Variants in LRP1B observed in about 807,000 individuals in gnomAD.
The protein encoded by LRP1B is low-density lipoprotein receptor-related protein 1B.
Under a neutral mutation model 556.6 loss-of-function variants are expected in LRP1B, and 217 were observed. That is an observed-to-expected ratio of 0.39 (90% CI 0.35 to 0.44). LRP1B has a LOEUF of 0.44. Among genes scored for constraint, LRP1B ranks in the 20% least tolerant of loss-of-function variants. The pLI, the probability that LRP1B is intolerant of heterozygous loss-of-function variation, is 1.00. For missense variants in LRP1B, 5,053 were observed against 5,620.8 expected, an observed-to-expected ratio of 0.90 and a Z score of 3.23; for synonymous variants, 2,047 against 1,865.8, an observed-to-expected ratio of 1.10 and a Z score of -2.50.
chr2:141,568,546 C>A (rs909256912), intron 2 of LRP1B, among the ~76,000 whole-genome samples: 2 of 150,994 alleles, frequency 1.3e-5, no homozygotes, highest in Admixed American at 1.3e-4. Flanking sequence ...GTTAAGGAAA[C>A]AAGGATTCAA....
At chr2:141,006,692 G>T (rs560516068) in intron 14 of LRP1B, among the ~76,000 whole-genome samples, 3 of 151,856 alleles carry the variant, frequency 2.0e-5, no homozygotes, top group Admixed American at 6.6e-5. Flanking sequence ...ACATGTTTAA[G>T]TGACCACTTT....
intron 2 of LRP1B, among the ~76,000 whole-genome samples, chr2:141,625,726 T>A (rs1688681431): frequency 6.6e-6 from 1 of 152,168 alleles, no homozygotes; most frequent in Non-Finnish European, 1.5e-5. Flanking sequence ...TTTATAGACA[T>A]CAGTGTTACC....
intron 41 of LRP1B, among the ~76,000 whole-genome samples, chr2:140,623,956 G>GTGTATATATATA (rs1339496296): frequency 2.8e-5 from 3 of 106,432 alleles, no homozygotes; most frequent in Non-Finnish European, 3.8e-5. Context: ...TTTTATTTAT[G>GTGTATATATATA]TATATATATA....
chr2:140,477,656 A>T (rs574722102), intron 59 of LRP1B, among the ~76,000 whole-genome samples: 5 of 152,290 alleles, frequency 3.3e-5, no homozygotes, highest in African/African-American at 1.2e-4. Context: ...ATATAATTGC[A>T]ATTTTAAATT....
intron 29 of LRP1B, among the ~76,000 whole-genome samples, chr2:140,844,532 TG>T: frequency 6.6e-6 from 1 of 151,118 alleles, no homozygotes; most frequent in South Asian, 2.1e-4. Flanking sequence ...CATATGGGGG[TG>T]GGGGTGGAAT....
chr2:142,123,411 G>T (rs1027285324), intron 1 of LRP1B, among the ~76,000 whole-genome samples: 1 of 151,960 alleles, frequency 6.6e-6, no homozygotes, highest in Non-Finnish European at 1.5e-5. Flanking sequence ...CCTATTGATT[G>T]CAAGAATAAA....
chr2:141,487,261 A>G (rs572023300), intron 2 of LRP1B, among the ~76,000 whole-genome samples: 2 of 152,254 alleles, frequency 1.3e-5, no homozygotes, highest in African/African-American at 4.8e-5. Context: ...TTTTTCTTCA[A>G]AATAAGACTA....
At chr2:140,412,704 A>G (rs1187059997) in intron 66 of LRP1B, among the ~76,000 whole-genome samples, 1 of 151,954 alleles carries the variant, frequency 6.6e-6, no homozygotes, top group Non-Finnish European at 1.5e-5. Flanking sequence ...AATAAAACTG[A>G]GGCTTATGGA....
intron 32 of LRP1B, among the ~76,000 whole-genome samples, chr2:140,807,862 T>A (rs1272002924): frequency 6.6e-6 from 1 of 151,608 alleles, no homozygotes; most frequent in Non-Finnish European, 1.5e-5. Flanking sequence ...GAGGCCAAGG[T>A]GGGTGGATCA....
chr2:141,092,777 C>A (rs540116995), intron 7 of LRP1B, among the ~76,000 whole-genome samples: 50 of 152,098 alleles, frequency 3.3e-4, no homozygotes, highest in Non-Finnish European at 5.7e-4. Context: ...TCAACTGTGA[C>A]AAATGTTCAT....
intron 11 of LRP1B, among the ~76,000 whole-genome samples, chr2:141,032,826 C>CATACATACATACATACATACATATATAT: frequency 7.9e-6 from 1 of 126,612 alleles, no homozygotes; most frequent in Non-Finnish European, 1.7e-5. Flanking sequence ...TATATACATA[C>CATACATACATACATACATACATATATAT]ATATATATAT....
intron 37 of LRP1B, among the ~76,000 whole-genome samples, chr2:140,710,950 T>C (rs745582232): frequency 2.5e-4 from 38 of 152,134 alleles, no homozygotes; most frequent in South Asian, 8.3e-4. Flanking sequence ...TAATGTGTTA[T>C]CTAATGAGAG....
chr2:140,294,767 C>G (rs1022784102), intron 84 of LRP1B, among the ~76,000 whole-genome samples: 1 of 151,974 alleles, frequency 6.6e-6, no homozygotes, highest in African/African-American at 2.4e-5. Flanking sequence ...AATAAACACA[C>G]GTGAGTTAGT....
intron 42 of LRP1B, 59 bp downstream of exon 42, chr2:140,601,391 C>T: frequency 3.2e-6 from 4 of 1,238,494 alleles, no homozygotes; most frequent in Non-Finnish European, 3.2e-6. Flanking sequence ...ATTAACAGAA[C>T]TCTGATATTC....
intron 14 of LRP1B, among the ~76,000 whole-genome samples, chr2:141,013,029 AT>A (rs1697800301): frequency 6.6e-6 from 1 of 151,926 alleles, no homozygotes; most frequent in African/African-American, 2.4e-5. Flanking sequence ...ATATTATCTG[AT>A]TTTAAGAAGA....
chr2:141,237,329 T>C (rs148739882), intron 5 of LRP1B, among the ~76,000 whole-genome samples: 1,828 of 151,012 alleles, frequency 0.012, 43 homozygotes, highest in African/African-American at 0.04. Context: ...GTGTTTTTTA[T>C]CTTGTTTTGT....
chr2:141,641,169 T>C (rs369232960), intron 2 of LRP1B, among the ~76,000 whole-genome samples: 5 of 142,252 alleles, frequency 3.5e-5, no homozygotes, highest in South Asian at 2.3e-4. Context: ...AGTCCACTTA[T>C]TTAAAGTGCC....
chr2:141,388,992 G>A (rs1689948215), intron 3 of LRP1B, among the ~76,000 whole-genome samples: 1 of 152,104 alleles, frequency 6.6e-6, no homozygotes, highest in Non-Finnish European at 1.5e-5. Context: ...TAAAATGTAA[G>A]ACCTAAATAA....
intron 45 of LRP1B, among the ~76,000 whole-genome samples, chr2:140,538,148 G>A (rs1161210407): frequency 6.6e-6 from 1 of 152,012 alleles, no homozygotes; most frequent in East Asian, 1.9e-4. Flanking sequence ...AGTTTCCAAG[G>A]TTTTATTTAT....
Sources: allele counts gnomAD v4.1 joint callset (sites outside exome capture counted in the v4.1 genomes callset), GRCh38; gene constraint gnomAD v4.1.1; transcripts MANE v1.5; gene names NCBI Gene and HGNC (gene_info 2026-07-23, HGNC 2026-07-21).